STRADA: variants seen among roughly 807,000 people sequenced by gnomAD.
STRADA encodes the protein STE20 related adaptor alpha.
A neutral mutation model predicts 55.0 loss-of-function variants in STRADA; 26 were observed. The ratio of observed to expected loss-of-function variants is 0.47; its 90% CI spans 0.35 to 0.66. The LOEUF is 0.66. Ranked by LOEUF, STRADA falls within the 30% of genes least tolerant of loss-of-function variation. The pLI is 0.01. For missense variants in STRADA, 443 were observed against 549.7 expected (o/e 0.81, Z 1.94); for synonymous variants, 197 against 210.9 (o/e 0.93, Z 0.57).
chr17:63,738,508 A>C (rs2038621593), intron 1 of STRADA, among the ~76,000 whole-genome samples: 1 of 152,098 alleles, frequency 6.6e-6, no homozygotes, highest in Non-Finnish European at 1.5e-5. Flanking sequence ...GGAAAGTCTA[A>C]ACATGTTGTT....
At position 63,707,319 on chromosome 17, in the gene STRADA, C is replaced by T. The variant is rs1293431553; in HGVS notation, c.681G>A (p.Gln227=). Residue 227 remains glutamine (Q), a synonymous_variant, in exon 9 of 13, where the codon CAG becomes CAA. Transcript: ENST00000336174. ...NLSMISHGQR[Q]RVVHDFPKYS... is the part of the protein sequence containing the mutation. ...ACTTGGGAAAATCGTGGACCACTCG[C>T]TGCCGCTGCCCATGGCTTATCATGC... 4 of 1,614,232 alleles carry T rather than the reference C, an allele frequency of 2.5e-6. No homozygotes were observed. Among genetic ancestry groups the T allele is most frequent in the Non-Finnish European group, 3.4e-6 (4 of 1,180,048 alleles).
At chr17:63,730,236 C>T (rs766701317) in intron 1 of STRADA, among the ~76,000 whole-genome samples, 6 of 152,072 alleles carry the variant, frequency 3.9e-5, no homozygotes, top group Admixed American at 2.0e-4. Context: ...TAACTTTTTA[C>T]AAACACGCCA....
At chr17:63,741,127 T>C (rs1232331389) in intron 1 of STRADA, 1 of 152,002 alleles carries the variant, frequency 6.6e-6, no homozygotes, top group Non-Finnish European at 1.5e-5. Context: ...GCAGAGAGGT[T>C]AGTTCCCTAT....
At position 63,703,993 on chromosome 17, in the gene STRADA, G is replaced by A. The variant is rs1365623346; in HGVS notation, c.1143+12C>T. ...AACTAGAACCAGAACCAGAACGAAGGGGCTACGATACCTGCTTGAAGAAAG... is the reference window on the plus strand; with the variant it reads ...AACTAGAACCAGAACCAGAACGAAGAGGCTACGATACCTGCTTGAAGAAAG... On this transcript the variant is annotated intron_variant, in intron 12 of 12. Transcript: ENST00000336174. 3.3e-6 allele frequency: 5 copies of A among 1,505,686 alleles called. No individual in the cohort carries two copies. Among genetic ancestry groups the A allele is most frequent in the Non-Finnish European group, 2.7e-6 (3 of 1,113,100 alleles). The allele number at this position is 1,505,686 out of a possible 1,614,324, so 93.3% of individuals were successfully genotyped here.
At chr17:63,711,206 G>A (rs1329671225) in intron 6 of STRADA, among the ~76,000 whole-genome samples, 1 of 152,176 alleles carries the variant, frequency 6.6e-6, no homozygotes, top group Admixed American at 6.5e-5. Context: ...ATATTTTGTT[G>A]TTGTTATTTG....
At position 63,723,512 on chromosome 17, in the gene STRADA, GAGAT is replaced by G. The variant is rs1286185048; in HGVS notation, c.95-190_95-187del. On this transcript the variant is annotated intron_variant, in intron 3 of 12. Coordinates refer to ENST00000336174, the MANE Select transcript of STRADA (RefSeq NM_001003787.4). ...AGATCCACAGTAAAAATGCTGCAGA[GAGAT>G]AGGGCTTTAAACATGGATCTATGGT... 22 of 627,536 alleles carry G rather than the reference GAGAT, an allele frequency of 3.5e-5. 1 individual carries two copies. In the South Asian group the frequency reaches 4.2e-4, roughly 12 times the overall value. 38.9% of individuals were successfully genotyped at this position (627,536 alleles called of 1,614,324 possible). A position where few individuals can be genotyped will look rare whatever the true frequency, so the allele number is the denominator to read the frequency against.
At chr17:63,716,777 C>T (rs898849444) in intron 4 of STRADA, among the ~76,000 whole-genome samples, 4 of 152,220 alleles carry the variant, frequency 2.6e-5, no homozygotes, top group Non-Finnish European at 4.4e-5. Context: ...CTGTGTTTAA[C>T]CCAGCATTTC....
At chr17:63,706,771 C>G (rs1196508201) in intron 9 of STRADA, 32 bp from the exon 10 acceptor site, 1 of 1,551,068 alleles carries the variant, frequency 6.4e-7, no homozygotes, top group Admixed American at 1.7e-5. Flanking sequence ...ACAGATTACC[C>G]CATTTGGTCT....
chr17:63,719,658 A>G (rs965409132), intron 4 of STRADA, among the ~76,000 whole-genome samples: 1 of 151,838 alleles, frequency 6.6e-6, no homozygotes, highest in Non-Finnish European at 1.5e-5. Flanking sequence ...TAATTTTTGC[A>G]TTTTTAGTAG....
chr17:63,732,211 C>T (rs9899984), intron 1 of STRADA, among the ~76,000 whole-genome samples: 5,186 of 151,742 alleles, frequency 0.034, 319 homozygotes, highest in African/African-American at 0.12. Context: ...TGCCATGTTG[C>T]CCAGGCTAGT....
At chr17:63,737,300 GAGAA>G (rs1384043609) in intron 1 of STRADA, 2 of 136,338 alleles carry the variant, frequency 1.5e-5, no homozygotes, top group African/African-American at 5.4e-5. Flanking sequence ...AGCAAGGAAT[GAGAA>G]AGAAAATCCA....
rs1216233231 is a variant in STRADA, at chr17:63,710,598, G to A, written c.474C>T (p.Leu158=). 3.7e-6 allele frequency: 6 copies of A among 1,614,052 alleles called. No individual in the cohort carries two copies. The highest frequency in any genetic ancestry group is 2.2e-5 in the East Asian group (1 of 44,890). Residue 158 remains leucine, a synonymous_variant, in exon 8 of 13, where the codon CTC becomes CTT. Transcript: ENST00000336174. ...SFMAYGSAKD[L]ICTHFMDGMN... is the part of the protein sequence containing the mutation. ...TGCCATCCATGAAGTGTGTACAGAT[G>A]AGATCTTTTGCAGAACCTGCAGAAA...
intron 3 of STRADA, chr17:63,726,349 T>TTAAA (rs1312869032): frequency 3.2e-6 from 1 of 316,964 alleles, no homozygotes; most frequent in Non-Finnish European, 5.7e-6. Flanking sequence ...CTACAGACTT[T>TTAAA]TAAATAGTTT....
intron 3 of STRADA, chr17:63,723,566 A>C: frequency 1.9e-6 from 1 of 525,288 alleles, no homozygotes; most frequent in South Asian, 2.5e-5. Context: ...CAAGGCTACT[A>C]CTCTATGGGT....
chr17:63,741,970 G>C (rs968220300), upstream of STRADA: 1 of 152,230 alleles, frequency 6.6e-6, no homozygotes, highest in Non-Finnish European at 1.5e-5. Context: ...CCGCCGCGCC[G>C]AGAGCGGTTC....
At chr17:63,736,789 T>A (rs1033600245) in intron 1 of STRADA, among the ~76,000 whole-genome samples, 1 of 150,014 alleles carries the variant, frequency 6.7e-6, no homozygotes, top group Admixed American at 6.7e-5. Flanking sequence ...TTATAAAGGA[T>A]GAAAAATATC....
intron 1 of STRADA, among the ~76,000 whole-genome samples, chr17:63,739,287 A>T (rs1245864686): frequency 6.6e-6 from 1 of 152,182 alleles, no homozygotes; most frequent in Admixed American, 6.5e-5. Flanking sequence ...TTACTAATAA[A>T]TTTCATCTGA....
At chr17:63,736,607 G>A (rs767269845) in intron 1 of STRADA, among the ~76,000 whole-genome samples, 5 of 151,126 alleles carry the variant, frequency 3.3e-5, no homozygotes, top group Admixed American at 6.6e-5. Flanking sequence ...CAGCCTGGGT[G>A]ACAGAGTGAG....
intron 4 of STRADA, among the ~76,000 whole-genome samples, chr17:63,722,053 G>C (rs922337759): frequency 6.6e-5 from 10 of 152,172 alleles, no homozygotes; most frequent in Non-Finnish European, 1.3e-4. Flanking sequence ...TCTAAACTCA[G>C]ATAAAAAGAA....
Sources: allele counts gnomAD v4.1 joint callset (sites outside exome capture counted in the v4.1 genomes callset), GRCh38; gene constraint gnomAD v4.1.1; transcripts MANE v1.5; gene names NCBI Gene and HGNC (gene_info 2026-07-23, HGNC 2026-07-21).